Variants in SERTM1 observed in about 807,000 individuals in gnomAD.
SERTM1 encodes the protein serine rich and transmembrane domain containing 1, also known as serine-rich and transmembrane domain-containing protein 1.
In SERTM1, 1 loss-of-function variant was observed where a neutral mutation model predicts 5.5. That is an observed-to-expected ratio of 0.18 (90% CI 0.06 to 0.86). The LOEUF (loss-of-function observed/expected upper bound fraction) is 0.86, where lower values mean the gene tolerates loss of function less well. Ranked by LOEUF, SERTM1 falls within the 40% of genes least tolerant of loss-of-function variation. The pLI, the probability that SERTM1 is intolerant of heterozygous loss-of-function variation, is 0.69. For synonymous variants in SERTM1, 52 were observed against 55.1 expected (o/e 0.94, Z 0.25); for missense variants, 91 against 122.4 (o/e 0.74, Z 1.21).
rs1271615115 is a variant in SERTM1, at chr13:36,697,364, GT to G, written c.*1963del. 5.5e-5 allele frequency: 9 copies of G among 162,980 alleles called. No homozygotes were observed. Among genetic ancestry groups the G allele is most frequent in the African/African-American group, 2.3e-4 (9 of 39,646 alleles). 10.1% of individuals were successfully genotyped at this position (162,980 alleles called of 1,614,324 possible). A position where few individuals can be genotyped will look rare whatever the true frequency, so the allele number is the denominator to read the frequency against. On this transcript the variant is annotated 3_prime_UTR_variant, in exon 2 of 2. Transcript: ENST00000315190. ...ACTCACATACTCCCAATTAAAAGTC[GT>G]GTGAAAGCTACACAGGATTACAGAG... is the stretch of plus-strand genomic sequence containing the variant.
At chr13:36,675,337 C>A (rs1033433741) in intron 1 of SERTM1, among the ~76,000 whole-genome samples, 3 of 152,204 alleles carry the variant, frequency 2.0e-5, no homozygotes, top group Non-Finnish European at 4.4e-5. Context: ...GCGTTACTGT[C>A]CTGGGGCGGA....
intron 1 of SERTM1, among the ~76,000 whole-genome samples, chr13:36,688,818 T>C (rs914016278): frequency 6.6e-6 from 1 of 152,226 alleles, no homozygotes; most frequent in Non-Finnish European, 1.5e-5. Context: ...TGGCTTTTTC[T>C]GTCAATCAAG....
intron 1 of SERTM1, among the ~76,000 whole-genome samples, chr13:36,677,792 A>T (rs751304522): frequency 1.3e-5 from 2 of 152,214 alleles, no homozygotes; most frequent in Non-Finnish European, 2.9e-5. Context: ...AACTGTTGCC[A>T]GTTAAACTGG....
chr13:36,690,771 A>T (rs1422038769), intron 1 of SERTM1, among the ~76,000 whole-genome samples: 1 of 152,206 alleles, frequency 6.6e-6, no homozygotes, highest in African/African-American at 2.4e-5. Flanking sequence ...CAACTATCAA[A>T]TCTTCCTTTT....
Position 36,695,174 on chromosome 13 carries a change from C to T in SERTM1, c.96C>T (p.Asp32=). 3 of 1,614,120 alleles carry T rather than the reference C, an allele frequency of 1.9e-6. No homozygotes were observed. Among genetic ancestry groups the T allele is most frequent in the Middle Eastern group, 3.3e-4 (2 of 6,062 alleles). Residue 32 remains aspartate (D), a synonymous_variant, in exon 2 of 2, where the codon GAC becomes GAT. Coordinates refer to ENST00000315190, the MANE Select transcript of SERTM1 (RefSeq NM_203451.3). Reference sequence around the variant, plus strand: ...CCACATCCCTGTCCACGTCAGTGGACCCATCCTCAGGCCACCTGTCAAACG... The same window carrying T: ...CCACATCCCTGTCCACGTCAGTGGATCCATCCTCAGGCCACCTGTCAAACG... The part of the protein sequence containing the change: ...LFPTSLSTSV[D]PSSGHLSNVY...
intron 1 of SERTM1, among the ~76,000 whole-genome samples, chr13:36,674,569 G>C (rs2056658222): frequency 6.6e-6 from 1 of 152,098 alleles, no homozygotes. Flanking sequence ...CCATGCAAGT[G>C]TAGACAGTTC....
At chr13:36,687,175 ATGGT>A (rs2056746745) in intron 1 of SERTM1, among the ~76,000 whole-genome samples, 1 of 152,188 alleles carries the variant, frequency 6.6e-6, no homozygotes, top group African/African-American at 2.4e-5. Flanking sequence ...ATGAGAAACA[ATGGT>A]TCATTAATTC....
chr13:36,697,281 A>C lies in SERTM1; in HGVS notation c.*1879A>C, dbSNP rs185474773. On this transcript the variant is annotated 3_prime_UTR_variant, in exon 2 of 2. Coordinates refer to ENST00000315190, the MANE Select transcript of SERTM1 (RefSeq NM_203451.3). ...ATTCTCTGAATATATGTATATATAC[A>C]TATATATACGCACACACACACACAC... is the stretch of plus-strand genomic sequence containing the variant. 1.2e-4 allele frequency: 11 copies of C among 94,616 alleles called. No individual in the cohort carries two copies. In the Admixed American group the frequency reaches 1.7e-3, roughly 15 times the overall value. 5.9% of individuals were successfully genotyped at this position (94,616 alleles called of 1,614,324 possible).
intron 1 of SERTM1, among the ~76,000 whole-genome samples, chr13:36,681,204 A>G (rs1390572825): frequency 6.6e-6 from 1 of 152,226 alleles, no homozygotes; most frequent in Admixed American, 6.5e-5. Flanking sequence ...CTCGTGCCAG[A>G]ATATAAATCA....
chr13:36,692,597 G>A (rs926495213), intron 1 of SERTM1, among the ~76,000 whole-genome samples: 4 of 152,146 alleles, frequency 2.6e-5, no homozygotes, highest in African/African-American at 2.4e-5. Context: ...ACTTTACTTG[G>A]GATGGCCTTT....
Position 36,695,109 on chromosome 13 carries a change from T to A in SERTM1, c.31T>A (p.Ser11Thr), listed in dbSNP as rs2056804379. The A allele has an allele frequency of 3.7e-6, 6 of 1,614,072 alleles. No homozygotes were observed. Among genetic ancestry groups the A allele is most frequent in the Non-Finnish European group, 5.1e-6 (6 of 1,179,992 alleles). ...TGAACCTGACACTTCCTCAGGATTTTCGGGAAGTGTGGAGAATGGAACTTT... is the reference window on the plus strand; with the variant it reads ...TGAACCTGACACTTCCTCAGGATTTACGGGAAGTGTGGAGAATGGAACTTT... MSEPDTSSGF[S>T]GSVENGTFLE... Residue 11 changes from serine to threonine, a missense_variant, in exon 2 of 2, where the codon TCG becomes ACG. Physicochemically the swap from Ser to Thr is moderately conservative, Grantham distance 58 (BLOSUM62 1). Transcript: ENST00000315190.
At position 36,695,885 on chromosome 13, in the gene SERTM1, G is replaced by T; in HGVS notation, c.*483G>T. ...CTTAAAAAGGAAGAGAGTCAATTTA[G>T]ATTTAATGTATGACATTTCTAAAAC... is the stretch of plus-strand genomic sequence containing the variant. On this transcript the variant is annotated 3_prime_UTR_variant, in exon 2 of 2. Coordinates refer to ENST00000315190, the MANE Select transcript of SERTM1 (RefSeq NM_203451.3). 1 of 168,456 alleles carries T rather than the reference G, an allele frequency of 5.9e-6. No homozygotes were observed. Among genetic ancestry groups the T allele is most frequent in the Non-Finnish European group, 1.4e-5 (1 of 69,118 alleles). The allele number at this position is 168,456 out of a possible 1,614,324, so 10.4% of individuals were successfully genotyped here.
At chr13:36,675,448 A>G (rs1474075792) in intron 1 of SERTM1, among the ~76,000 whole-genome samples, 1 of 152,234 alleles carries the variant, frequency 6.6e-6, no homozygotes, top group African/African-American at 2.4e-5. Flanking sequence ...GAAAAGAGGC[A>G]CAAGTGACAG....
intron 1 of SERTM1, among the ~76,000 whole-genome samples, chr13:36,677,428 GA>G (rs2056677363): frequency 6.6e-6 from 1 of 152,108 alleles, no homozygotes; most frequent in South Asian, 2.1e-4. Flanking sequence ...ATTAAGACAG[GA>G]AATTAGTCAG....
intron 1 of SERTM1, among the ~76,000 whole-genome samples, chr13:36,674,869 T>C (rs1283724434): frequency 6.6e-6 from 1 of 152,078 alleles, no homozygotes; most frequent in Non-Finnish European, 1.5e-5. Flanking sequence ...GGAAACCCAG[T>C]AGGTAACTGC....
intron 1 of SERTM1, among the ~76,000 whole-genome samples, chr13:36,683,730 T>C (rs1367304442): frequency 6.6e-6 from 1 of 152,184 alleles, no homozygotes; most frequent in Non-Finnish European, 1.5e-5. Flanking sequence ...ACATGTCACC[T>C]TTCATACATT....
At chr13:36,686,855 C>T (rs999665921) in intron 1 of SERTM1, among the ~76,000 whole-genome samples, 1 of 152,132 alleles carries the variant, frequency 6.6e-6, no homozygotes, top group Non-Finnish European at 1.5e-5. Context: ...ATCTTGAAGT[C>T]TGAATCCTAC....
rs1267155588 is a variant in SERTM1, at chr13:36,674,075, G to T, written c.-283G>T. ...CCCAGACTGCGCGCCGCGCCGCTGCGCCCAACATTCCCGAGGACGGCTTCG... is the reference window on the plus strand; with the variant it reads ...CCCAGACTGCGCGCCGCGCCGCTGCTCCCAACATTCCCGAGGACGGCTTCG... On this transcript the variant is annotated 5_prime_UTR_variant, in exon 1 of 2. Coordinates refer to ENST00000315190, the MANE Select transcript of SERTM1 (RefSeq NM_203451.3). 6.6e-6 allele frequency: 1 copy of T among 152,262 alleles called. No homozygotes were observed. The highest frequency in any genetic ancestry group is 1.9e-4 in the East Asian group (1 of 5,146). 9.4% of individuals were successfully genotyped at this position (152,262 alleles called of 1,614,324 possible). A position where few individuals can be genotyped will look rare whatever the true frequency, so the allele number is the denominator to read the frequency against.
intron 1 of SERTM1, among the ~76,000 whole-genome samples, chr13:36,682,913 T>C (rs7998057): frequency 0.82 from 125,012 of 152,074 alleles, 51,873 homozygotes; most frequent in Middle Eastern, 0.91. Flanking sequence ...ATTTATTTGT[T>C]GAGATGGAGT....
Sources: gnomAD v4.1 joint callset for allele counts (sites outside exome capture counted in the v4.1 genomes callset) on GRCh38, gnomAD v4.1.1 for gene constraint, MANE v1.5 for transcripts, NCBI Gene and HGNC (gene_info 2026-07-23, HGNC 2026-07-21) for gene names.